INVS: variants seen among roughly 807,000 people sequenced by gnomAD.
The protein encoded by INVS is inversin, also known as inversion of embryo turning homolog.
Under a neutral mutation model 108.8 loss-of-function variants are expected in INVS, and 86 were observed. The ratio of observed to expected loss-of-function variants is 0.79; its 90% CI spans 0.66 to 0.95. The LOEUF (loss-of-function observed/expected upper bound fraction) is 0.95, where lower values mean the gene tolerates loss of function less well. Among genes scored for constraint, INVS ranks in the 40% least tolerant of loss-of-function variants. The pLI is 0.00. For missense variants in INVS, 1,169 were observed against 1,297.4 expected (o/e 0.90, Z 1.52); for synonymous variants, 455 against 473.5 (o/e 0.96, Z 0.51).
chr9:100,252,220 T>C (rs1832258457), intron 8 of INVS, 63 bp from the exon 9 acceptor site: 27 of 1,478,248 alleles, frequency 1.8e-5, no homozygotes, highest in Non-Finnish European at 2.4e-5. Flanking sequence ...AAAAGACATA[T>C]AATAATTTAA....
At chr9:100,223,692 C>A (rs2118386073) in intron 3 of INVS, among the ~76,000 whole-genome samples, 1 of 152,332 alleles carries the variant, frequency 6.6e-6, no homozygotes, top group East Asian at 1.9e-4. Context: ...TATTTAGGGT[C>A]ATCAAGGGAA....
At chr9:100,203,538 T>C (rs1830591412) in intron 3 of INVS, among the ~76,000 whole-genome samples, 1 of 139,726 alleles carries the variant, frequency 7.2e-6, no homozygotes, top group African/African-American at 2.8e-5. Context: ...AGTCTCACTC[T>C]ATCATCTAGG....
intron 3 of INVS, among the ~76,000 whole-genome samples, chr9:100,184,303 A>G (rs887479048): frequency 1.3e-5 from 2 of 152,168 alleles, no homozygotes; most frequent in Admixed American, 1.3e-4. Context: ...TGTTTCTAGC[A>G]GTGCTAAATC....
intron 3 of INVS, among the ~76,000 whole-genome samples, chr9:100,170,828 A>G (rs1426699631): frequency 1.3e-5 from 2 of 152,218 alleles, no homozygotes; most frequent in African/African-American, 4.8e-5. Context: ...TACAACCATG[A>G]CAGGGACTAT....
At chr9:100,213,404 C>G (rs1830894622) in intron 3 of INVS, among the ~76,000 whole-genome samples, 1 of 151,970 alleles carries the variant, frequency 6.6e-6, no homozygotes, top group Admixed American at 6.6e-5. Context: ...AAGGGTCTCA[C>G]TATGTGGCTC....
chr9:100,245,132 C>T (rs2787394), intron 7 of INVS, among the ~76,000 whole-genome samples: 44,745 of 152,094 alleles, frequency 0.29, 7,591 homozygotes, highest in Non-Finnish European at 0.39. Flanking sequence ...TCCATTCAAT[C>T]AAAAGTTTCT....
At position 100,158,608 on chromosome 9, in the gene INVS, CCA is replaced by C. The variant is rs1184866105; in HGVS notation, c.273+32060_273+32061del. Among the ~76,000 whole-genome samples, 20 of 152,260 alleles carry C rather than the reference CCA, an allele frequency of 1.3e-4. No homozygotes were observed. In the East Asian group the frequency reaches 3.3e-3, roughly 25 times the overall value. ...TCAGTTCCTGGCACCAAAATAGTGCCCAGTGAATATTAACTATTATAATTATC... is the reference window on the plus strand; with the variant it reads ...TCAGTTCCTGGCACCAAAATAGTGCCGTGAATATTAACTATTATAATTATC... On this transcript the variant is annotated intron_variant, in intron 3 of 16. Coordinates refer to ENST00000262457, the MANE Select transcript of INVS (RefSeq NM_014425.5).
At chr9:100,255,876 T>C (rs1290992212) in intron 10 of INVS, among the ~76,000 whole-genome samples, 1 of 152,180 alleles carries the variant, frequency 6.6e-6, no homozygotes, top group Non-Finnish European at 1.5e-5. Context: ...TAAAATTCTC[T>C]TTTTTTGTTG....
rs554861618 is a variant in INVS at position 100,269,837 on chromosome 9, T to C, written c.1572-3027T>C. On this transcript the variant is annotated intron_variant, in intron 11 of 16. Coordinates refer to ENST00000262457, the MANE Select transcript of INVS (RefSeq NM_014425.5). ...TAGTTTGGGTCCTATGGAGATAATA[T>C]TTTTGATAAGCAGCTGTGGTATTGC... Among the ~76,000 whole-genome samples, 7 of 152,282 alleles carry C rather than the reference T, an allele frequency of 4.6e-5. No individual in the cohort carries two copies. The South Asian group carries it at 1.5e-3, about 32-fold the overall frequency.
At chr9:100,201,418 A>C (rs958857501) in intron 3 of INVS, among the ~76,000 whole-genome samples, 2 of 152,230 alleles carry the variant, frequency 1.3e-5, no homozygotes, top group Non-Finnish European at 2.9e-5. Flanking sequence ...CGTCTTTGAA[A>C]AGATAGTCCA....
chr9:100,292,814 G>C lies in INVS; in HGVS notation c.2557G>C (p.Glu853Gln). ...CTATTCACATTTGCCACAGAGCACA[G>C]AGGAGTTGAGGTCAGGAGCTAGGAG... is the stretch of plus-strand genomic sequence containing the variant. ...GLYSHLPQST[E>Q]ELRSGARRLE... Residue 853 changes from glutamate to glutamine, a missense_variant, in exon 14 of 17, where the codon GAG (glutamate) becomes CAG (glutamine). By Grantham distance (29) the Glu-to-Gln change is conservative. This residue lies in a region of INVS where 533 missense variants were observed against 536.0 expected (regional missense o/e 0.99). Coordinates refer to ENST00000262457, the MANE Select transcript of INVS (RefSeq NM_014425.5). 6.2e-7 allele frequency: 1 copy of C among 1,614,154 alleles called. No homozygotes were observed. The highest frequency in any genetic ancestry group is 8.5e-7 in the Non-Finnish European group (1 of 1,180,028).
At chr9:100,221,419 C>T (rs772694449) in intron 3 of INVS, among the ~76,000 whole-genome samples, 11 of 152,026 alleles carry the variant, frequency 7.2e-5, no homozygotes, top group African/African-American at 1.7e-4. Context: ...CTTCCCACTC[C>T]GGCCTCCCAG....
chr9:100,161,394 C>T, intron 3 of INVS, among the ~76,000 whole-genome samples: 1 of 110,886 alleles, frequency 9.0e-6, no homozygotes, highest in Non-Finnish European at 1.7e-5. Flanking sequence ...AAAAAAAAAC[C>T]TCATAAATTG....
chr9:100,170,343 G>C (rs1001312109), intron 3 of INVS, among the ~76,000 whole-genome samples: 2 of 149,896 alleles, frequency 1.3e-5, no homozygotes, highest in African/African-American at 4.9e-5. Flanking sequence ...GATCAGTTGA[G>C]CCCAGGAGTT....
chr9:100,127,333 A>G (rs1172806274), intron 3 of INVS, among the ~76,000 whole-genome samples: 1 of 152,190 alleles, frequency 6.6e-6, no homozygotes, highest in East Asian at 1.9e-4. Flanking sequence ...TATGTTGCCA[A>G]TATTAATGAT....
At chr9:100,110,029 C>T (rs1318453356) in intron 2 of INVS, among the ~76,000 whole-genome samples, 1 of 152,224 alleles carries the variant, frequency 6.6e-6, no homozygotes, top group Non-Finnish European at 1.5e-5. Context: ...TCATAAATGA[C>T]AGAGTAGAGG....
chr9:100,269,111 T>A (rs989489960), intron 11 of INVS, among the ~76,000 whole-genome samples: 1 of 152,202 alleles, frequency 6.6e-6, no homozygotes, highest in Non-Finnish European at 1.5e-5. Flanking sequence ...GTAATTGATA[T>A]ATGTGTTGTG....
intron 1 of INVS, among the ~76,000 whole-genome samples, chr9:100,103,018 A>G (rs978244391): frequency 6.6e-6 from 1 of 151,972 alleles, no homozygotes; most frequent in African/African-American, 2.4e-5. Flanking sequence ...ACGCCCAGCT[A>G]ATTTTTGTAT....
At chr9:100,220,880 G>A (rs1482801409) in intron 3 of INVS, among the ~76,000 whole-genome samples, 1 of 151,782 alleles carries the variant, frequency 6.6e-6, no homozygotes. Context: ...GGAAGCTAGG[G>A]CAGGAGAATT....
Sources: gnomAD v4.1 joint callset for allele counts (sites outside exome capture counted in the v4.1 genomes callset) on GRCh38, gnomAD v4.1.1 for gene constraint, gnomAD v4.1.1 regional missense constraint, MANE v1.5 for transcripts, NCBI Gene and HGNC (gene_info 2026-07-23, HGNC 2026-07-21) for gene names.